Variants in LINGO2 observed in about 807,000 individuals in gnomAD.
LINGO2 encodes leucine rich repeat and Ig domain containing 2, also known as leucine-rich repeat and immunoglobulin-like domain-containing nogo receptor-interacting protein 2.
LINGO2 carries 14 observed loss-of-function variants against 30.6 expected under a neutral mutation model. That is an observed-to-expected ratio of 0.46 (90% CI 0.30 to 0.72). LINGO2 has a LOEUF of 0.72. Among genes scored for constraint, LINGO2 ranks in the 30% least tolerant of loss-of-function variants. The pLI is 0.07. For synonymous variants in LINGO2, 317 were observed against 288.5 expected (o/e 1.10, Z -1.00); for missense variants, 729 against 751.7 (o/e 0.97, Z 0.35).
chr9:28,501,383 T>C (rs1381170240), intron 1 of LINGO2, among the ~76,000 whole-genome samples: 2 of 152,172 alleles, frequency 1.3e-5, no homozygotes, highest in Non-Finnish European at 2.9e-5. Flanking sequence ...ATTGCCACTA[T>C]CACATTGTAA....
At chr9:28,528,388 A>G (rs2135420759) in intron 1 of LINGO2, among the ~76,000 whole-genome samples, 1 of 152,284 alleles carries the variant, frequency 6.6e-6, no homozygotes, top group East Asian at 1.9e-4. Flanking sequence ...TTTCAGAAAG[A>G]GAAAACAGCA....
chr9:28,766,248 C>T, the LINGO2 span, among the ~76,000 whole-genome samples: 2 of 151,656 alleles, frequency 1.3e-5, no homozygotes, highest in Non-Finnish European at 2.9e-5. Context: ...AACTTAATAG[C>T]AATAAAACAA....
chr9:29,159,277 T>G, the LINGO2 span, among the ~76,000 whole-genome samples: 1 of 152,184 alleles, frequency 6.6e-6, no homozygotes, highest in South Asian at 2.1e-4. Flanking sequence ...CCATAAACTC[T>G]ACAATTCCTC....
chr9:28,007,544 G>T (rs1268544355), intron 5 of LINGO2, among the ~76,000 whole-genome samples: 1 of 151,984 alleles, frequency 6.6e-6, no homozygotes, highest in Non-Finnish European at 1.5e-5. Context: ...TATTAAAATG[G>T]CTCTATTGAT....
chr9:28,682,611 G>C, the LINGO2 span, among the ~76,000 whole-genome samples: 1 of 151,962 alleles, frequency 6.6e-6, no homozygotes, highest in African/African-American at 2.4e-5. Flanking sequence ...TAATTCTGTA[G>C]TCACAAGTCT....
chr9:29,011,271 T>C, the LINGO2 span, among the ~76,000 whole-genome samples: 1 of 152,314 alleles, frequency 6.6e-6, no homozygotes, highest in African/African-American at 2.4e-5. Flanking sequence ...GACATCTGAA[T>C]GTAGGCACCA....
the LINGO2 span, among the ~76,000 whole-genome samples, chr9:28,719,222 C>T: frequency 4.8e-4 from 73 of 152,170 alleles, 1 homozygote; most frequent in South Asian, 0.013. Flanking sequence ...TGATTCTACC[C>T]GTTTGTGTCT....
chr9:28,077,095 A>G (rs1251294967), intron 4 of LINGO2, among the ~76,000 whole-genome samples: 1 of 152,180 alleles, frequency 6.6e-6, no homozygotes, highest in Non-Finnish European at 1.5e-5. Flanking sequence ...ATAGAAAACT[A>G]CAGTAAGTGA....
At chr9:28,142,533 A>G (rs760867638) in intron 4 of LINGO2, among the ~76,000 whole-genome samples, 3 of 152,204 alleles carry the variant, frequency 2.0e-5, no homozygotes, top group Non-Finnish European at 4.4e-5. Context: ...AAAATGGTAG[A>G]TAATTGTTTT....
intron 5 of LINGO2, among the ~76,000 whole-genome samples, chr9:27,954,743 G>T (rs1819484349): frequency 6.6e-6 from 1 of 152,130 alleles, no homozygotes; most frequent in Non-Finnish European, 1.5e-5. Context: ...AAGAAAAAGA[G>T]GTTTAATGGA....
At chr9:28,934,155 T>G in the LINGO2 span, among the ~76,000 whole-genome samples, 1 of 152,188 alleles carries the variant, frequency 6.6e-6, no homozygotes, top group Non-Finnish European at 1.5e-5. Flanking sequence ...AACTTGAGTA[T>G]TGAAATTTGT....
At chr9:28,830,929 C>G in the LINGO2 span, among the ~76,000 whole-genome samples, 18 of 152,278 alleles carry the variant, frequency 1.2e-4, no homozygotes, top group Non-Finnish European at 2.2e-4. Context: ...CTCACACTAA[C>G]GTAATACAGA....
the LINGO2 span, among the ~76,000 whole-genome samples, chr9:28,800,331 T>G: frequency 1.3e-5 from 2 of 152,068 alleles, no homozygotes; most frequent in Non-Finnish European, 2.9e-5. Context: ...CTACCAGAAA[T>G]CACCATATTT....
At chr9:29,048,992 G>T in the LINGO2 span, among the ~76,000 whole-genome samples, 8 of 152,084 alleles carry the variant, frequency 5.3e-5, no homozygotes, top group Non-Finnish European at 8.8e-5. Flanking sequence ...AAAAGCTTCT[G>T]CACAGCAAAA....
intron 4 of LINGO2, among the ~76,000 whole-genome samples, chr9:28,221,282 A>G (rs1398050682): frequency 8.1e-6 from 1 of 123,568 alleles, no homozygotes; most frequent in African/African-American, 3.1e-5. Context: ...CCTGGGTGAC[A>G]GAGCCAGACC....
chr9:28,576,218 C>T (rs1421342739), intron 1 of LINGO2, among the ~76,000 whole-genome samples: 2 of 152,298 alleles, frequency 1.3e-5, no homozygotes, highest in South Asian at 2.1e-4. Context: ...GATTGCATGG[C>T]TGACCGGAAG....
At chr9:28,820,225 G>A in the LINGO2 span, among the ~76,000 whole-genome samples, 1 of 148,670 alleles carries the variant, frequency 6.7e-6, no homozygotes, top group Non-Finnish European at 1.5e-5. Context: ...CTAAGGAAAG[G>A]GCACGTGCTG....
chr9:28,179,109 T>A (rs953016605), intron 4 of LINGO2, among the ~76,000 whole-genome samples: 1 of 151,816 alleles, frequency 6.6e-6, no homozygotes, highest in Non-Finnish European at 1.5e-5. Context: ...AATTGGCATC[T>A]GCTAGTTCCA....
At chr9:27,987,560 A>G (rs558110774) in intron 5 of LINGO2, among the ~76,000 whole-genome samples, 1 of 152,016 alleles carries the variant, frequency 6.6e-6, no homozygotes, top group South Asian at 2.1e-4. Flanking sequence ...AATAAACAAG[A>G]TATTTGGTTT....
Sources: allele counts gnomAD v4.1 joint callset (sites outside exome capture counted in the v4.1 genomes callset), GRCh38; gene constraint gnomAD v4.1.1; transcripts MANE v1.5; gene names NCBI Gene and HGNC (gene_info 2026-07-23, HGNC 2026-07-21).